Variants in TMC1 observed in about 807,000 individuals in gnomAD.
TMC1 encodes the protein transmembrane channel-like protein 1.
In TMC1, 84 loss-of-function variants were observed where a neutral mutation model predicts 105.8. The ratio of observed to expected loss-of-function variants is 0.79; its 90% CI spans 0.67 to 0.95. TMC1 has a LOEUF of 0.95. Among genes scored for constraint, TMC1 ranks in the 40% least tolerant of loss-of-function variants. TMC1 has a pLI of 0.00. For synonymous variants in TMC1, 315 were observed against 311.5 expected (o/e 1.01, Z -0.12); for missense variants, 817 against 914.1 (o/e 0.89, Z 1.37).
chr9:72,602,366 ATTTTTTTTTTTTT>A lies in TMC1; in HGVS notation c.-305-13988_-305-13976del, dbSNP rs66682329. Among the ~76,000 whole-genome samples, 25 of 86,552 alleles carry A rather than the reference ATTTTTTTTTTTTT, an allele frequency of 2.9e-4. No homozygotes were observed. In the East Asian group the frequency reaches 7.2e-3, roughly 25 times the overall value. The allele number at this position is 86,552 out of a possible 152,430, so 56.8% of individuals were successfully genotyped here. On this transcript the variant is annotated intron_variant, in intron 2 of 23. Coordinates refer to ENST00000297784, the MANE Select transcript of TMC1 (RefSeq NM_138691.3). ...ACTTGCTGTGATTCTCCTATTGGTGATTTTTTTTTTTTTTTTTTTTTTTTTTGAGACAGGGTCT... is the reference window on the plus strand; with the variant it reads ...ACTTGCTGTGATTCTCCTATTGGTGATTTTTTTTTTTTTGAGACAGGGTCT...
chr9:72,685,362 ATTT>A (rs35423971), intron 5 of TMC1, among the ~76,000 whole-genome samples: 46,884 of 125,370 alleles, frequency 0.37, 8,566 homozygotes, highest in African/African-American at 0.51. Flanking sequence ...CGCCTTGGCC[ATTT>A]TTTTTTTTTT....
At chr9:72,591,962 G>C (rs955112581) in intron 2 of TMC1, among the ~76,000 whole-genome samples, 1 of 152,130 alleles carries the variant, frequency 6.6e-6, no homozygotes, top group Non-Finnish European at 1.5e-5. Flanking sequence ...ACCTGGAGGC[G>C]CTAGTTGCTA....
intron 5 of TMC1, among the ~76,000 whole-genome samples, chr9:72,685,170 T>C (rs751739974): frequency 1.4e-5 from 2 of 141,912 alleles, no homozygotes. Flanking sequence ...GCAGTGGCGC[T>C]ATCTCAGCTC....
chr9:72,625,961 A>G (rs1825340100), intron 3 of TMC1, among the ~76,000 whole-genome samples: 1 of 152,176 alleles, frequency 6.6e-6, no homozygotes, highest in Admixed American at 6.5e-5. Flanking sequence ...AGTTCTGGAT[A>G]TGAGAGGCTG....
intron 5 of TMC1, among the ~76,000 whole-genome samples, chr9:72,675,508 GTC>G (rs778556362): frequency 3.9e-5 from 6 of 152,130 alleles, no homozygotes; most frequent in Non-Finnish European, 8.8e-5. Context: ...CTTTAGAGGA[GTC>G]TCTCTTCATC....
intron 4 of TMC1, among the ~76,000 whole-genome samples, chr9:72,638,505 G>GC (rs1170746530): frequency 1.3e-5 from 2 of 152,156 alleles, no homozygotes; most frequent in Non-Finnish European, 2.9e-5. Context: ...CCGAACTGCA[G>GC]CAGCCCCCTT....
intron 13 of TMC1, among the ~76,000 whole-genome samples, chr9:72,786,178 G>A (rs952635070): frequency 2.6e-5 from 4 of 152,174 alleles, no homozygotes; most frequent in African/African-American, 9.7e-5. Context: ...AGGCGCGGTG[G>A]CTCACGCCTG....
intron 4 of TMC1, among the ~76,000 whole-genome samples, chr9:72,640,263 GT>G (rs1424747669): frequency 3.3e-5 from 5 of 152,152 alleles, no homozygotes; most frequent in African/African-American, 1.2e-4. Flanking sequence ...TATTGTTCCA[GT>G]TTTCTCCAAC....
At chr9:72,625,381 G>A (rs1825328659) in intron 3 of TMC1, among the ~76,000 whole-genome samples, 1 of 152,052 alleles carries the variant, frequency 6.6e-6, no homozygotes, top group Admixed American at 6.5e-5. Flanking sequence ...TGGGTGATTT[G>A]GGGGAAGGTT....
chr9:72,684,742 A>C (rs965159448), intron 5 of TMC1, among the ~76,000 whole-genome samples: 3 of 152,170 alleles, frequency 2.0e-5, no homozygotes, highest in African/African-American at 7.2e-5. Flanking sequence ...AACAGCTCCT[A>C]CCTAAGCTAT....
intron 10 of TMC1, among the ~76,000 whole-genome samples, chr9:72,751,212 C>T (rs1046545861): frequency 1.3e-5 from 2 of 152,174 alleles, no homozygotes. Flanking sequence ...TCTATTATAG[C>T]AGCACCCGTA....
intron 18 of TMC1, among the ~76,000 whole-genome samples, chr9:72,806,073 C>A (rs1373865457): frequency 6.6e-6 from 1 of 152,016 alleles, no homozygotes; most frequent in Admixed American, 6.5e-5. Context: ...ACCTCCCAGA[C>A]GGGGTGGTGG....
At chr9:72,638,265 A>T (rs1202133612) in intron 4 of TMC1, among the ~76,000 whole-genome samples, 2 of 152,092 alleles carry the variant, frequency 1.3e-5, no homozygotes, top group Non-Finnish European at 2.9e-5. Flanking sequence ...TTAATCATCT[A>T]TCACTCCCCA....
chr9:72,685,830 T>C (rs976345821), intron 5 of TMC1, among the ~76,000 whole-genome samples: 5 of 152,178 alleles, frequency 3.3e-5, no homozygotes, highest in Admixed American at 2.6e-4. Context: ...AATAATAACC[T>C]GGAGCTATAA....
At chr9:72,677,200 C>T (rs1373762412) in intron 5 of TMC1, among the ~76,000 whole-genome samples, 1 of 151,656 alleles carries the variant, frequency 6.6e-6, no homozygotes, top group Non-Finnish European at 1.5e-5. Flanking sequence ...GTCTCAAAAT[C>T]TGCAGGCCAA....
At chr9:72,678,109 T>C (rs532898251) in intron 5 of TMC1, among the ~76,000 whole-genome samples, 1 of 152,248 alleles carries the variant, frequency 6.6e-6, no homozygotes, top group South Asian at 2.1e-4. Context: ...TTGCAATCAA[T>C]GTAACTGAGG....
At chr9:72,599,019 G>C (rs1173955708) in intron 2 of TMC1, among the ~76,000 whole-genome samples, 1 of 152,044 alleles carries the variant, frequency 6.6e-6, no homozygotes, top group Non-Finnish European at 1.5e-5. Context: ...GGAGAAATCT[G>C]TATTTCCCAC....
chr9:72,587,934 C>T (rs1824580023), intron 2 of TMC1, among the ~76,000 whole-genome samples: 1 of 151,880 alleles, frequency 6.6e-6, no homozygotes, highest in Non-Finnish European at 1.5e-5. Flanking sequence ...TACAGGCATG[C>T]ACCCCCATGC....
At chr9:72,670,323 G>A (rs1564480496) in intron 5 of TMC1, among the ~76,000 whole-genome samples, 3 of 152,124 alleles carry the variant, frequency 2.0e-5, no homozygotes, top group African/African-American at 2.4e-5. Context: ...TTTTGCTTCA[G>A]CAGTGAGAAA....
Sources: allele counts gnomAD v4.1 joint callset (sites outside exome capture counted in the v4.1 genomes callset), GRCh38; gene constraint gnomAD v4.1.1; transcripts MANE v1.5; gene names NCBI Gene and HGNC (gene_info 2026-07-23, HGNC 2026-07-21).